PAIP2: variants seen among roughly 807,000 people sequenced by gnomAD.
The protein encoded by PAIP2 is polyadenylate-binding protein-interacting protein 2.
Under a neutral mutation model 14.8 loss-of-function variants are expected in PAIP2, and 7 were observed. That is an observed-to-expected ratio of 0.47 (90% CI 0.27 to 0.89). The LOEUF is 0.89. Among genes scored for constraint, PAIP2 ranks in the 40% least tolerant of loss-of-function variants. The pLI is 0.13. For synonymous variants in PAIP2, 47 were observed against 45.3 expected (o/e 1.04, Z -0.15); for missense variants, 122 against 154.7 (o/e 0.79, Z 1.12).
At chr5:139,343,234 C>T (rs1394304250) in intron 1 of PAIP2, 2 of 152,174 alleles carry the variant, frequency 1.3e-5, no homozygotes, top group African/African-American at 4.8e-5. Context: ...TACTACTTGT[C>T]AGTTGTGAAC....
chr5:139,364,230 T>C (rs1757152967), intron 2 of PAIP2, among the ~76,000 whole-genome samples: 1 of 152,268 alleles, frequency 6.6e-6, no homozygotes, highest in East Asian at 1.9e-4. Context: ...CACTGCCTTA[T>C]GCCAGTAAGA....
chr5:139,344,295 T>A (rs1396516774), intron 1 of PAIP2, among the ~76,000 whole-genome samples: 1 of 152,208 alleles, frequency 6.6e-6, no homozygotes, highest in Non-Finnish European at 1.5e-5. Context: ...TAGGGTACTT[T>A]AAGGTGGCTA....
At chr5:139,363,561 A>G (rs1581320602) in intron 1 of PAIP2, among the ~76,000 whole-genome samples, 198 bp from the exon 2 acceptor site, 1 of 151,798 alleles carries the variant, frequency 6.6e-6, no homozygotes, top group Non-Finnish European at 1.5e-5. Context: ...TACAAAAAAT[A>G]AAAAAAATTC....
At chr5:139,365,257 G>A (rs867099960) in intron 3 of PAIP2, among the ~76,000 whole-genome samples, 1 of 151,588 alleles carries the variant, frequency 6.6e-6, no homozygotes, top group Non-Finnish European at 1.5e-5. Flanking sequence ...AGGCCGAGGT[G>A]GGTGGATCAC....
chr5:139,358,342 G>GT (rs1175146765), intron 1 of PAIP2, among the ~76,000 whole-genome samples: 1 of 152,178 alleles, frequency 6.6e-6, no homozygotes, highest in Non-Finnish European at 1.5e-5. Context: ...TTGCATATGT[G>GT]TTTACTTTTT....
At chr5:139,345,626 ATTTTTTTT>A (rs34133705) in intron 1 of PAIP2, among the ~76,000 whole-genome samples, 1 of 138,966 alleles carries the variant, frequency 7.2e-6, no homozygotes, top group Non-Finnish European at 1.6e-5. Context: ...CTATGCTTGA[ATTTTTTTT>A]TTTTTTTTTT....
chr5:139,346,349 C>G (rs991919387), intron 1 of PAIP2, among the ~76,000 whole-genome samples: 4 of 152,194 alleles, frequency 2.6e-5, no homozygotes, highest in African/African-American at 9.7e-5. Flanking sequence ...TCCAGTGATT[C>G]TCCTGCCTCA....
intron 1 of PAIP2, among the ~76,000 whole-genome samples, chr5:139,355,070 A>G (rs2152049622): frequency 6.7e-6 from 1 of 150,240 alleles, no homozygotes; most frequent in Non-Finnish European, 1.5e-5. Flanking sequence ...CTCCTGCCCC[A>G]GCCTTCCAAA....
intron 1 of PAIP2, among the ~76,000 whole-genome samples, chr5:139,345,127 G>GCTC (rs1219850552): frequency 2.0e-5 from 3 of 151,908 alleles, no homozygotes; most frequent in African/African-American, 7.3e-5. Flanking sequence ...CTCACTGCAC[G>GCTC]CTCCACCTCC....
chr5:139,342,497 G>C (rs534828710), intron 1 of PAIP2: 2 of 152,234 alleles, frequency 1.3e-5, no homozygotes, highest in Non-Finnish European at 2.9e-5. Context: ...CGTCTTGGGG[G>C]AACGCTGCAA....
In PAIP2 at chr5:139,357,268, C is replaced by T. The variant is rs187362289; in HGVS notation, c.-26-6491C>T. On this transcript the variant is annotated intron_variant, in intron 1 of 3. Coordinates refer to ENST00000265192, the MANE Select transcript of PAIP2 (RefSeq NM_016480.5). ...GCCTTTTCAGGTCTTTTCTGAACAT[C>T]TGCTCAGCACTGACATGCCTATGGC... is the stretch of plus-strand genomic sequence containing the variant. 2.0e-5 allele frequency among the ~76,000 whole-genome samples: 3 copies of T among 152,352 alleles called. 1 individual carries two copies. The highest frequency in any genetic ancestry group is 1.3e-4 in the Admixed American group (2 of 15,296).
intron 3 of PAIP2, among the ~76,000 whole-genome samples, chr5:139,366,016 A>G (rs541403449): frequency 1.3e-5 from 2 of 152,144 alleles, no homozygotes; most frequent in Middle Eastern, 3.4e-3. Context: ...CCTGACCAAC[A>G]TGGTGAAACC....
intron 1 of PAIP2, among the ~76,000 whole-genome samples, chr5:139,352,502 G>GTTTTTTTTTTTTTGTTTTTTTTTTTT (rs536704901): frequency 1.3e-5 from 1 of 76,156 alleles, no homozygotes; most frequent in Non-Finnish European, 3.3e-5. Context: ...TTTTTTTGTT[G>GTTTTTTTTTTTTTGTTTTTTTTTTTT]TTTTTTTTTT....
At chr5:139,358,851 G>A (rs1486897241) in intron 1 of PAIP2, among the ~76,000 whole-genome samples, 2 of 152,240 alleles carry the variant, frequency 1.3e-5, no homozygotes, top group East Asian at 3.8e-4. Flanking sequence ...GGTTGTCCAA[G>A]TTGGGGGGCT....
intron 1 of PAIP2, among the ~76,000 whole-genome samples, chr5:139,347,427 C>G (rs1319589696): frequency 6.6e-6 from 1 of 152,048 alleles, no homozygotes; most frequent in Non-Finnish European, 1.5e-5. Context: ...GCGCCCACCA[C>G]CATGCCCGGC....
Position 139,359,947 on chromosome 5 carries a change from C to CAA in PAIP2, c.-26-3804_-26-3803dup, listed in dbSNP as rs571863015. Reference sequence around the variant, plus strand: ...GATTGCACCACTGTACTCTCCGTCTCAAAAAAAAATGGGTAATTTTCTTCT... The same window carrying CAA: ...GATTGCACCACTGTACTCTCCGTCTCAAAAAAAAAAATGGGTAATTTTCTTCT... On this transcript the variant is annotated intron_variant, in intron 1 of 3. Transcript: ENST00000265192. Among the ~76,000 whole-genome samples the CAA allele has an allele frequency of 2.0e-5, 3 of 148,742 alleles. No homozygotes were observed. The South Asian group carries it at 6.5e-4, about 32-fold the overall frequency.
chr5:139,363,669 C>A, intron 1 of PAIP2, 90 bp from the exon 2 acceptor site: 1 of 1,188,086 alleles, frequency 8.4e-7, no homozygotes, highest in Non-Finnish European at 1.2e-6. Flanking sequence ...CACCATTGCA[C>A]TCCAGCCTGG....
intron 1 of PAIP2, among the ~76,000 whole-genome samples, chr5:139,345,588 G>A (rs868286518): frequency 2.6e-5 from 4 of 151,808 alleles, no homozygotes; most frequent in African/African-American, 9.7e-5. Context: ...GCCTATGGAG[G>A]TAGATTAATG....
intron 1 of PAIP2, among the ~76,000 whole-genome samples, chr5:139,342,283 GTTCC>G (rs1756403124): frequency 6.6e-6 from 1 of 152,028 alleles, no homozygotes; most frequent in Non-Finnish European, 1.5e-5. Flanking sequence ...ACTTTCTCCT[GTTCC>G]TCATTCTCCC....
Sources: gnomAD v4.1 joint callset for allele counts (sites outside exome capture counted in the v4.1 genomes callset) on GRCh38, gnomAD v4.1.1 for gene constraint, MANE v1.5 for transcripts, NCBI Gene and HGNC (gene_info 2026-07-23, HGNC 2026-07-21) for gene names.